Variants in KPNA1 observed in about 807,000 individuals in gnomAD.
KPNA1 encodes importin subunit alpha-5.
Under a neutral mutation model 70.5 loss-of-function variants are expected in KPNA1, and 10 were observed. The observed-to-expected ratio is 0.14, with a 90% CI of 0.09 to 0.24. The LOEUF (loss-of-function observed/expected upper bound fraction) is 0.24. Among genes scored for constraint, KPNA1 ranks in the 10% least tolerant of loss-of-function variants. The pLI, the probability that KPNA1 is intolerant of heterozygous loss-of-function variation, is 1.00. For synonymous variants in KPNA1, 192 were observed against 221.9 expected, an observed-to-expected ratio of 0.87 and a Z score of 1.20; for missense variants, 397 against 637.9, an observed-to-expected ratio of 0.62 and a Z score of 4.07.
chr3:122,461,576 T>C (rs1425957763), intron 4 of KPNA1, among the ~76,000 whole-genome samples: 1 of 152,170 alleles, frequency 6.6e-6, no homozygotes, highest in Non-Finnish European at 1.5e-5. Flanking sequence ...GCCTCCACTT[T>C]TTAGAAAACC....
At chr3:122,482,049 C>T (rs2076576973) in intron 2 of KPNA1, among the ~76,000 whole-genome samples, 1 of 151,984 alleles carries the variant, frequency 6.6e-6, no homozygotes, top group African/African-American at 2.4e-5. Flanking sequence ...ATAAAATACA[C>T]ACATGCATCA....
intron 2 of KPNA1, among the ~76,000 whole-genome samples, chr3:122,489,919 A>G (rs527727914): frequency 6.6e-6 from 1 of 152,328 alleles, no homozygotes; most frequent in South Asian, 2.1e-4. Context: ...TACTAAGTAT[A>G]CAGCTCATTA....
intron 2 of KPNA1, among the ~76,000 whole-genome samples, chr3:122,481,139 C>T (rs938460966): frequency 6.6e-6 from 1 of 152,198 alleles, no homozygotes; most frequent in African/African-American, 2.4e-5. Context: ...CCAGCAATTC[C>T]ACTCTCAGTA....
intron 2 of KPNA1, among the ~76,000 whole-genome samples, chr3:122,496,152 C>T (rs1014520857): frequency 3.3e-5 from 5 of 152,130 alleles, no homozygotes; most frequent in Non-Finnish European, 5.9e-5. Flanking sequence ...AAGTTGCACC[C>T]TTAGAAAACT....
At chr3:122,427,786 G>T in intron 12 of KPNA1, 70 bp from the exon 13 acceptor site, 1 of 1,037,254 alleles carries the variant, frequency 9.6e-7, no homozygotes, top group Non-Finnish European at 1.3e-6. Context: ...TAGTGAGCAA[G>T]TCATCCTCAA....
chr3:122,431,182 C>CAGGG (rs1174201348), intron 12 of KPNA1, among the ~76,000 whole-genome samples: 1 of 152,156 alleles, frequency 6.6e-6, no homozygotes, highest in Non-Finnish European at 1.5e-5. Context: ...TCTTTTGAGA[C>CAGGG]AGAGTCTCTC....
intron 2 of KPNA1, among the ~76,000 whole-genome samples, chr3:122,476,547 T>C (rs2076499695): frequency 6.6e-6 from 1 of 151,942 alleles, no homozygotes; most frequent in African/African-American, 2.4e-5. Context: ...CCAAAATATA[T>C]AAGGAACTCA....
At chr3:122,456,905 C>A (rs2076270721) in intron 5 of KPNA1, among the ~76,000 whole-genome samples, 1 of 152,192 alleles carries the variant, frequency 6.6e-6, no homozygotes, top group African/African-American at 2.4e-5. Context: ...ATAAAACACA[C>A]ACACACAGGG....
chr3:122,476,292 A>G (rs994705080), intron 2 of KPNA1, among the ~76,000 whole-genome samples: 1 of 152,202 alleles, frequency 6.6e-6, no homozygotes, highest in African/African-American at 2.4e-5. Flanking sequence ...AATTAATTCA[A>G]TATGCATTAA....
At chr3:122,470,659 T>C (rs767802031) in intron 2 of KPNA1, among the ~76,000 whole-genome samples, 8 of 152,128 alleles carry the variant, frequency 5.3e-5, no homozygotes, top group Non-Finnish European at 1.0e-4. Flanking sequence ...AGGTATAGTG[T>C]TATTTTAAAG....
intron 2 of KPNA1, among the ~76,000 whole-genome samples, chr3:122,485,082 T>G (rs2107485103): frequency 6.6e-6 from 1 of 152,244 alleles, no homozygotes; most frequent in South Asian, 2.1e-4. Context: ...GTTGTTGTTG[T>G]TTTGTTCTTT....
intron 2 of KPNA1, among the ~76,000 whole-genome samples, chr3:122,473,007 G>C (rs1399773441): frequency 6.6e-6 from 1 of 152,088 alleles, no homozygotes; most frequent in Non-Finnish European, 1.5e-5. Context: ...CCTGGACCCG[G>C]GAGGCAGAGG....
chr3:122,490,929 A>G (rs2076691274), intron 2 of KPNA1, among the ~76,000 whole-genome samples: 1 of 152,202 alleles, frequency 6.6e-6, no homozygotes, highest in African/African-American at 2.4e-5. Context: ...TCATATACAA[A>G]TGTATATATA....
Position 122,449,092 on chromosome 3 carries a change from G to T in KPNA1, c.917+482C>A, listed in dbSNP as rs893927450. On this transcript the variant is annotated intron_variant, in intron 9 of 13. Coordinates refer to ENST00000344337, the MANE Select transcript of KPNA1 (RefSeq NM_002264.4). ...ATCACTTTCATTTTTTTCTTCTGTAGTATCTAAAAATTTGATTAATACAGT... is the reference window on the plus strand; with the variant it reads ...ATCACTTTCATTTTTTTCTTCTGTATTATCTAAAAATTTGATTAATACAGT... Among the ~76,000 whole-genome samples, 5 of 151,944 alleles carry T rather than the reference G, an allele frequency of 3.3e-5. No individual in the cohort carries two copies. The East Asian group carries it at 5.8e-4, about 18-fold the overall frequency.
intron 1 of KPNA1, among the ~76,000 whole-genome samples, chr3:122,503,235 C>T (rs574672420): frequency 4.4e-4 from 67 of 150,688 alleles, no homozygotes; most frequent in African/African-American, 1.6e-3. Context: ...GCAATTAAAG[C>T]CAGTGTTGGA....
chr3:122,495,669 A>G (rs1000392021), intron 2 of KPNA1, among the ~76,000 whole-genome samples: 4 of 139,898 alleles, frequency 2.9e-5, no homozygotes, highest in Non-Finnish European at 6.1e-5. Context: ...ATCTGCCTTT[A>G]TGGAATTTCT....
intron 2 of KPNA1, among the ~76,000 whole-genome samples, chr3:122,492,140 G>A (rs555261016): frequency 1.3e-3 from 198 of 152,156 alleles, no homozygotes; most frequent in Non-Finnish European, 2.5e-3. Context: ...GATTACAGGC[G>A]TGAGCCACCG....
intron 3 of KPNA1, among the ~76,000 whole-genome samples, chr3:122,465,352 T>A (rs1314253889): frequency 6.6e-6 from 1 of 152,194 alleles, no homozygotes. Flanking sequence ...ACCTTAAACA[T>A]GCTCAGAACA....
intron 1 of KPNA1, among the ~76,000 whole-genome samples, chr3:122,513,053 C>T (rs1419482813): frequency 6.6e-6 from 1 of 152,118 alleles, no homozygotes; most frequent in Non-Finnish European, 1.5e-5. Flanking sequence ...TAGAAGATCA[C>T]TCTGTAAGTA....
Sources: allele counts gnomAD v4.1 joint callset (sites outside exome capture counted in the v4.1 genomes callset), GRCh38; gene constraint gnomAD v4.1.1; transcripts MANE v1.5; gene names NCBI Gene and HGNC (gene_info 2026-07-23, HGNC 2026-07-21).